Variants in RNGTT observed in about 807,000 individuals in gnomAD.
The protein encoded by RNGTT is mRNA-capping enzyme.
In RNGTT, 33 loss-of-function variants were observed where a neutral mutation model predicts 79.3. The observed-to-expected ratio is 0.42, with a 90% CI of 0.32 to 0.56. The LOEUF (loss-of-function observed/expected upper bound fraction) is 0.56, where lower values mean the gene tolerates loss of function less well. RNGTT is among the 20% of genes least tolerant of loss of function. RNGTT has a pLI of 0.17. For missense variants in RNGTT, 497 were observed against 739.1 expected (o/e 0.67, Z 3.80); for synonymous variants, 222 against 235.9 (o/e 0.94, Z 0.54).
intron 13 of RNGTT, among the ~76,000 whole-genome samples, chr6:88,707,220 G>C (rs1487501710): frequency 6.6e-6 from 1 of 151,970 alleles, no homozygotes; most frequent in Admixed American, 6.6e-5. Flanking sequence ...CAGAAATCCA[G>C]AGCCTGCCTT....
At chr6:88,898,531 G>A (rs1475463187) in intron 6 of RNGTT, among the ~76,000 whole-genome samples, 2 of 150,288 alleles carry the variant, frequency 1.3e-5, no homozygotes, top group Admixed American at 6.7e-5. Context: ...AGCCTCTCTT[G>A]TCTTCTAAAG....
intron 6 of RNGTT, among the ~76,000 whole-genome samples, chr6:88,894,064 TG>T (rs1207106119): frequency 6.6e-6 from 1 of 152,208 alleles, no homozygotes; most frequent in Non-Finnish European, 1.5e-5. Context: ...TTCATTTTCA[TG>T]TTAGAGATCT....
At chr6:88,956,460 CCAGT>C (rs1785434476) in intron 1 of RNGTT, among the ~76,000 whole-genome samples, 1 of 152,036 alleles carries the variant, frequency 6.6e-6, no homozygotes, top group Non-Finnish European at 1.5e-5. Context: ...CTGAATTCTA[CCAGT>C]CAAAGAAGAA....
At chr6:88,928,112 TGAGAA>T (rs1442507674) in intron 4 of RNGTT, among the ~76,000 whole-genome samples, 1 of 151,924 alleles carries the variant, frequency 6.6e-6, no homozygotes, top group Non-Finnish European at 1.5e-5. Flanking sequence ...CTCAGGAAGC[TGAGAA>T]GAGAGGATCA....
At chr6:88,675,154 C>CAA (rs145875527) in intron 14 of RNGTT, among the ~76,000 whole-genome samples, 2 of 149,030 alleles carry the variant, frequency 1.3e-5, no homozygotes, top group African/African-American at 4.9e-5. Context: ...CAGAAAGTTA[C>CAA]AAAAAAAAAC....
intron 14 of RNGTT, among the ~76,000 whole-genome samples, chr6:88,674,819 A>T (rs1040642904): frequency 6.6e-6 from 1 of 152,176 alleles, no homozygotes; most frequent in African/African-American, 2.4e-5. Flanking sequence ...GCTTCTGGCC[A>T]GGTGCAGTGG....
At chr6:88,767,633 T>A (rs1199061520) in intron 13 of RNGTT, among the ~76,000 whole-genome samples, 1 of 149,322 alleles carries the variant, frequency 6.7e-6, no homozygotes, top group African/African-American at 2.5e-5. Context: ...AAATTTTACT[T>A]CATCTTTGAA....
At chr6:88,912,272 C>G (rs900646616) in intron 4 of RNGTT, among the ~76,000 whole-genome samples, 2 of 151,790 alleles carry the variant, frequency 1.3e-5, no homozygotes, top group African/African-American at 4.8e-5. Flanking sequence ...ATCAGCCAAG[C>G]ATGGTGGCAT....
chr6:88,940,102 G>A (rs1167221722), intron 2 of RNGTT, among the ~76,000 whole-genome samples: 1 of 145,366 alleles, frequency 6.9e-6, no homozygotes, highest in Non-Finnish European at 1.5e-5. Context: ...TTGAGACAGA[G>A]TCTCACTCTG....
Position 88,611,244 on chromosome 6 carries a change from T to A in RNGTT, c.*1475A>T, listed in dbSNP as rs2127843811. ...AGGTGAATATAAATACATTTTTGGT[T>A]CATCTGTGCTATGTCCATATAGAAA... is the stretch of plus-strand genomic sequence containing the variant. On this transcript the variant is annotated 3_prime_UTR_variant, in exon 16 of 16. Transcript: ENST00000369485. The A allele has an allele frequency of 6.5e-6, 1 of 152,786 alleles. No homozygotes were observed. The highest frequency in any genetic ancestry group is 1.5e-5 in the Non-Finnish European group (1 of 68,032). 9.5% of individuals were successfully genotyped at this position (152,786 alleles called of 1,614,324 possible).
At chr6:88,738,599 T>C (rs980147759) in intron 13 of RNGTT, among the ~76,000 whole-genome samples, 12 of 152,134 alleles carry the variant, frequency 7.9e-5, no homozygotes, top group Non-Finnish European at 1.5e-5. Context: ...TGAGCCAAGA[T>C]GGCACCACTG....
At chr6:88,955,916 C>G (rs1785415123) in intron 1 of RNGTT, among the ~76,000 whole-genome samples, 1 of 151,580 alleles carries the variant, frequency 6.6e-6, no homozygotes, top group South Asian at 2.1e-4. Context: ...GGCGGGCCAC[C>G]TGTAGTCCCA....
chr6:88,718,408 A>G (rs1372077447), intron 13 of RNGTT, among the ~76,000 whole-genome samples: 1 of 150,260 alleles, frequency 6.7e-6, no homozygotes, highest in Non-Finnish European at 1.5e-5. Flanking sequence ...AAAAGAAAGG[A>G]AAAAAAAGTA....
At chr6:88,831,161 C>G (rs1206331749) in intron 11 of RNGTT, among the ~76,000 whole-genome samples, 8 of 152,140 alleles carry the variant, frequency 5.3e-5, no homozygotes. Context: ...GGCCAATATC[C>G]CTGATGAACA....
At position 88,610,109 on chromosome 6, in the gene RNGTT, TCA is replaced by T. The variant is rs1489156177; in HGVS notation, c.*2608_*2609del. On this transcript the variant is annotated 3_prime_UTR_variant, in exon 16 of 16. Coordinates refer to ENST00000369485, the MANE Select transcript of RNGTT (RefSeq NM_003800.5). ...CACCCCCCTGTGTCAATCAAATTTC[TCA>T]GTTTCTCAGAAAGAAAAATAGAGGC... Among the ~76,000 whole-genome samples the T allele has an allele frequency of 6.6e-6, 1 of 152,184 alleles. No homozygotes were observed. Among genetic ancestry groups the T allele is most frequent in the African/African-American group, 2.4e-5 (1 of 41,432 alleles).
Position 88,904,678 on chromosome 6 carries a change from G to GA in RNGTT, c.684+36dup, listed in dbSNP as rs751978610. 9,153 of 1,352,570 alleles carry GA rather than the reference G, an allele frequency of 6.8e-3. 1 individual carries two copies. Among genetic ancestry groups the GA allele is most frequent in the South Asian group, 9.8e-3 (664 of 67,810 alleles). The allele number at this position is 1,352,570 out of a possible 1,614,324, so 83.8% of individuals were successfully genotyped here. A position where few individuals can be genotyped will look rare whatever the true frequency, so the allele number is the denominator to read the frequency against. ...AATCTCAATAAGCTTGCAGAAAAAG[G>GA]AAAAAAAAAACCTATTATAATATTT... On this transcript the variant is annotated intron_variant, in intron 6 of 15. Transcript: ENST00000369485.
At chr6:88,733,275 G>C (rs1249052972) in intron 13 of RNGTT, among the ~76,000 whole-genome samples, 2 of 152,002 alleles carry the variant, frequency 1.3e-5, no homozygotes, top group Non-Finnish European at 2.9e-5. Flanking sequence ...GAGGTGGAAG[G>C]ATTGTTTGAG....
At chr6:88,818,994 T>C (rs1456561650) in intron 11 of RNGTT, among the ~76,000 whole-genome samples, 2 of 152,202 alleles carry the variant, frequency 1.3e-5, no homozygotes, top group Non-Finnish European at 1.5e-5. Context: ...TCAATAAAAA[T>C]AATAATACTA....
At chr6:88,739,510 T>C (rs1270689533) in intron 13 of RNGTT, among the ~76,000 whole-genome samples, 1 of 152,000 alleles carries the variant, frequency 6.6e-6, no homozygotes, top group Non-Finnish European at 1.5e-5. Context: ...AGTAAACTTA[T>C]GTTTATGTAT....
Sources: gnomAD v4.1 joint callset for allele counts (sites outside exome capture counted in the v4.1 genomes callset) on GRCh38, gnomAD v4.1.1 for gene constraint, MANE v1.5 for transcripts, NCBI Gene and HGNC (gene_info 2026-07-23, HGNC 2026-07-21) for gene names.